ZNF169: variants seen among roughly 807,000 people sequenced by gnomAD.
ZNF169 encodes the protein zinc finger protein 169.
A neutral mutation model predicts 12.0 loss-of-function variants in ZNF169; 11 were observed. That is an observed-to-expected ratio of 0.92 (90% CI 0.58 to 1.52). The LOEUF (loss-of-function observed/expected upper bound fraction) is 1.52, where lower values mean the gene tolerates loss of function less well. Ranked by LOEUF, ZNF169 falls within the 40% of genes most tolerant of loss-of-function variation. The pLI, the probability that ZNF169 is intolerant of heterozygous loss-of-function variation, is 0.00. For synonymous variants in ZNF169, 302 were observed against 286.5 expected (o/e 1.05, Z -0.55); for missense variants, 722 against 744.0 (o/e 0.97, Z 0.34).
intron 1 of ZNF169, among the ~76,000 whole-genome samples, chr9:94,277,381 G>A (rs1455605905): frequency 6.6e-6 from 1 of 152,122 alleles, no homozygotes; most frequent in Non-Finnish European, 1.5e-5. Flanking sequence ...TGGGAAGGAA[G>A]GAAGGAAAAC....
intron 4 of ZNF169, among the ~76,000 whole-genome samples, chr9:94,296,644 A>G (rs1339432704): frequency 6.6e-6 from 1 of 152,126 alleles, no homozygotes; most frequent in Non-Finnish European, 1.5e-5. Context: ...TGAATTTCCT[A>G]TGTATCTTTG....
chr9:94,264,077 T>C (rs940263126), intron 1 of ZNF169, among the ~76,000 whole-genome samples: 1 of 152,216 alleles, frequency 6.6e-6, no homozygotes. Context: ...TTGTCATATG[T>C]ATTGAATCTT....
At chr9:94,289,218 G>C (rs2118632539) in intron 2 of ZNF169, among the ~76,000 whole-genome samples, 1 of 151,566 alleles carries the variant, frequency 6.6e-6, no homozygotes, top group South Asian at 2.1e-4. Context: ...GGGCAACATA[G>C]TAAGACCCCA....
intron 2 of ZNF169, chr9:94,288,188 C>T (rs1830754352): frequency 3.7e-6 from 3 of 807,398 alleles, no homozygotes; most frequent in African/African-American, 3.4e-5. Context: ...GGTTAATGTG[C>T]TCCTACTTGT....
At chr9:94,270,678 AT>A (rs1830374301) in intron 1 of ZNF169, among the ~76,000 whole-genome samples, 5 of 55,832 alleles carry the variant, frequency 9.0e-5, no homozygotes, top group Non-Finnish European at 2.2e-4. Flanking sequence ...TACTATATAA[AT>A]ATATATAAAT....
chr9:94,271,718 C>CAAA (rs58733917), intron 1 of ZNF169, among the ~76,000 whole-genome samples: 12 of 64,692 alleles, frequency 1.9e-4, no homozygotes, highest in East Asian at 4.1e-4. Context: ...GACTCTGTCT[C>CAAA]AAAAAAAAAA....
At chr9:94,292,662 G>C in intron 3 of ZNF169, 195 bp downstream of exon 3, 1 of 720,702 alleles carries the variant, frequency 1.4e-6, no homozygotes. Context: ...TGCTGTGAGC[G>C]TGTGGTGTGT....
chr9:94,276,638 C>T (rs1021278489), intron 1 of ZNF169, among the ~76,000 whole-genome samples: 12 of 152,064 alleles, frequency 7.9e-5, no homozygotes, highest in East Asian at 7.7e-4. Context: ...GTCATCCATC[C>T]TTGGCCTCCC....
In ZNF169 at chr9:94,261,390, G is replaced by A. The variant is rs1047766599; in HGVS notation, c.-56+2045G>A. Reference sequence around the variant, plus strand: ...CCTGACCTCCTGATCCACCGGCCTCGGCCTCCCAAAGTGCTGGGATTACAA... The same window carrying A: ...CCTGACCTCCTGATCCACCGGCCTCAGCCTCCCAAAGTGCTGGGATTACAA... On this transcript the variant is annotated intron_variant, in intron 1 of 4. Coordinates refer to ENST00000395395, the MANE Select transcript of ZNF169 (RefSeq NM_194320.4). Among the ~76,000 whole-genome samples the A allele has an allele frequency of 7.2e-5, 11 of 152,092 alleles. No individual in the cohort carries two copies. In the South Asian group the frequency reaches 8.3e-4, roughly 11 times the overall value.
chr9:94,289,606 A>AGG, intron 2 of ZNF169, among the ~76,000 whole-genome samples: 1 of 152,200 alleles, frequency 6.6e-6, no homozygotes, highest in Non-Finnish European at 1.5e-5. Flanking sequence ...CCTGGCCAAC[A>AGG]TGACGAAACC....
intron 1 of ZNF169, among the ~76,000 whole-genome samples, chr9:94,268,609 G>T (rs1053410536): frequency 6.6e-6 from 1 of 151,808 alleles, no homozygotes; most frequent in Admixed American, 6.6e-5. Context: ...CCAACATGGT[G>T]AAACCCCATC....
At chr9:94,287,355 A>ACTTG (rs752987849) in intron 2 of ZNF169, among the ~76,000 whole-genome samples, 23 of 136,882 alleles carry the variant, frequency 1.7e-4, no homozygotes, top group South Asian at 2.5e-4. Flanking sequence ...TATACTGCAA[A>ACTTG]ATTGTTTGTT....
In ZNF169 at chr9:94,300,135, A is replaced by G. The variant is rs2118674718; in HGVS notation, c.577A>G (p.Ser193Gly). ...AGACCTTCGCCTGGCCCAAAGGATG[A>G]GTCTTGGGGGGTCAGACACAATGTT... ...GTDLRLAQRM[S>G]LGGSDTMLKG... is the part of the protein sequence containing the mutation. Residue 193 changes from serine (S) to glycine (G), a missense_variant, in exon 5 of 5, where the codon AGT becomes GGT. Transcript: ENST00000395395. 1 of 1,614,180 alleles carries G rather than the reference A, an allele frequency of 6.2e-7. No individual in the cohort carries two copies. The highest frequency in any genetic ancestry group is 1.7e-5 in the Admixed American group (1 of 60,020).
chr9:94,301,203 C>T lies in ZNF169; in HGVS notation c.1645C>T (p.Arg549Cys), dbSNP rs375364839. 25 of 1,614,000 alleles carry T rather than the reference C, an allele frequency of 1.5e-5. No individual in the cohort carries two copies. Among genetic ancestry groups the T allele is most frequent in the South Asian group, 1.4e-4 (13 of 91,086 alleles). ...GCCCTGCATTTGCGATGAATGTGGG[C>T]GCGGCTTTGGCTTTAAGTCTGCCCT... ...EKPCICDECG[R>C]GFGFKSALIR... is the part of the protein sequence containing the mutation. Residue 549 changes from arginine (R) to cysteine (C), a missense_variant, in exon 5 of 5, where the codon CGC becomes TGC. By Grantham distance (180) the Arg-to-Cys change is radical. Transcript: ENST00000395395.
At chr9:94,288,588 A>G (rs1289249431) in intron 2 of ZNF169, 5 of 434,074 alleles carry the variant, frequency 1.2e-5, no homozygotes, top group South Asian at 3.9e-5. Flanking sequence ...AGAGGCAGCT[A>G]TGACAGGGGC....
intron 2 of ZNF169, among the ~76,000 whole-genome samples, chr9:94,290,210 G>A (rs1158090283): frequency 6.6e-6 from 1 of 152,230 alleles, no homozygotes; most frequent in African/African-American, 2.4e-5. Flanking sequence ...AATAGGAACA[G>A]AGGAGAATCT....
At chr9:94,280,949 G>A (rs1231388638) in intron 2 of ZNF169, among the ~76,000 whole-genome samples, 1 of 152,140 alleles carries the variant, frequency 6.6e-6, no homozygotes, top group Non-Finnish European at 1.5e-5. Flanking sequence ...TGAAACTAGA[G>A]GCAAGGGGGC....
intron 2 of ZNF169, among the ~76,000 whole-genome samples, chr9:94,290,258 G>A (rs1830803029): frequency 6.6e-6 from 1 of 151,996 alleles, no homozygotes; most frequent in Admixed American, 6.6e-5. Context: ...TTAAAATTTT[G>A]GTAATACATA....
At chr9:94,287,685 A>C in intron 2 of ZNF169, 1 of 1,061,266 alleles carries the variant, frequency 9.4e-7, no homozygotes, top group South Asian at 1.3e-5. Flanking sequence ...AAAATTAAAC[A>C]ATACGGTGTT....
Sources: allele counts gnomAD v4.1 joint callset (sites outside exome capture counted in the v4.1 genomes callset), GRCh38; gene constraint gnomAD v4.1.1; transcripts MANE v1.5; gene names NCBI Gene and HGNC (gene_info 2026-07-23, HGNC 2026-07-21).